The following SLC35F4 variants were observed in gnomAD, a reference collection of about 807,000 sequenced individuals.
SLC35F4 encodes the protein solute carrier family 35 member F4.
In SLC35F4, 24 loss-of-function variants were observed where a neutral mutation model predicts 44.2. The observed-to-expected ratio is 0.54, with a 90% CI of 0.39 to 0.76. The LOEUF (loss-of-function observed/expected upper bound fraction) is 0.76, where lower values mean the gene tolerates loss of function less well. Ranked by LOEUF, SLC35F4 falls within the 30% of genes least tolerant of loss-of-function variation. SLC35F4 has a pLI of 0.00. For synonymous variants in SLC35F4, 238 were observed against 223.6 expected (o/e 1.06, Z -0.57); for missense variants, 562 against 586.1 (o/e 0.96, Z 0.42).
intron 1 of SLC35F4, among the ~76,000 whole-genome samples, chr14:57,786,215 C>T (rs1004857181): frequency 7.2e-5 from 11 of 152,104 alleles, no homozygotes; most frequent in African/African-American, 2.2e-4. Flanking sequence ...TACACAACTG[C>T]GGTGACTTAG....
intron 1 of SLC35F4, among the ~76,000 whole-genome samples, chr14:57,698,642 C>CTT (rs35036166): frequency 0.06 from 8,704 of 144,828 alleles, 375 homozygotes; most frequent in Non-Finnish European, 0.09. Flanking sequence ...AAACATGTCA[C>CTT]TTTTTTTTTT....
intron 1 of SLC35F4, among the ~76,000 whole-genome samples, chr14:57,686,711 T>A (rs537743893): frequency 1.3e-5 from 2 of 152,320 alleles, no homozygotes; most frequent in South Asian, 4.1e-4. Context: ...TCAAGGATAC[T>A]CATTTATTTT....
intron 1 of SLC35F4, among the ~76,000 whole-genome samples, chr14:57,603,541 C>T (rs2070964384): frequency 1.3e-5 from 2 of 152,142 alleles, no homozygotes; most frequent in Admixed American, 6.5e-5. Flanking sequence ...GGTTTCAGCC[C>T]ATCAGATGCT....
intron 1 of SLC35F4, among the ~76,000 whole-genome samples, chr14:57,668,277 G>A (rs1038082256): frequency 6.6e-6 from 1 of 150,594 alleles, no homozygotes; most frequent in African/African-American, 2.5e-5. Context: ...CCATGTTGTA[G>A]GTTGCCTGTT....
At chr14:57,589,534 C>A (rs1301086352) in intron 2 of SLC35F4, 21 bp from the exon 3 acceptor site, 1 of 1,575,020 alleles carries the variant, frequency 6.3e-7, no homozygotes, top group Non-Finnish European at 8.6e-7. Flanking sequence ...GAAAGGAATA[C>A]AAATGTGAGG....
chr14:57,896,396 A>C (rs1381834972), intron 1 of SLC35F4, among the ~76,000 whole-genome samples: 1 of 152,196 alleles, frequency 6.6e-6, no homozygotes, highest in Non-Finnish European at 1.5e-5. Flanking sequence ...AAGAACAAGC[A>C]AAACTAATTT....
chr14:57,930,905 C>G (rs1889684863), intron 1 of SLC35F4, among the ~76,000 whole-genome samples: 1 of 152,120 alleles, frequency 6.6e-6, no homozygotes, highest in Non-Finnish European at 1.5e-5. Flanking sequence ...TAATAAACCC[C>G]AAATTGCACA....
intron 1 of SLC35F4, among the ~76,000 whole-genome samples, chr14:57,683,595 C>A (rs1463226833): frequency 6.6e-6 from 1 of 152,188 alleles, no homozygotes; most frequent in East Asian, 1.9e-4. Flanking sequence ...ACAGACATCT[C>A]CTCCCTTTCC....
intron 1 of SLC35F4, among the ~76,000 whole-genome samples, chr14:57,784,322 T>C (rs1296034991): frequency 2.6e-5 from 4 of 152,198 alleles, no homozygotes; most frequent in African/African-American, 4.8e-5. Context: ...TTTTACAACA[T>C]AGACCTTTTG....
At chr14:57,628,861 C>T (rs2072615631) in intron 1 of SLC35F4, among the ~76,000 whole-genome samples, 1 of 152,058 alleles carries the variant, frequency 6.6e-6, no homozygotes, top group Non-Finnish European at 1.5e-5. Flanking sequence ...AAGTGATTTT[C>T]ATTTCAAAAC....
chr14:57,636,733 GCT>G (rs1268202279), intron 1 of SLC35F4, among the ~76,000 whole-genome samples: 4 of 151,984 alleles, frequency 2.6e-5, no homozygotes, highest in African/African-American at 9.7e-5. Context: ...AAAATCCCAT[GCT>G]CTCTGCCAGA....
chr14:57,681,486 T>G (rs189084442), intron 1 of SLC35F4, among the ~76,000 whole-genome samples: 2 of 152,012 alleles, frequency 1.3e-5, no homozygotes, highest in East Asian at 3.9e-4. Context: ...TGATACAAAA[T>G]TTAACAAAAA....
intron 1 of SLC35F4, among the ~76,000 whole-genome samples, chr14:57,742,334 A>T (rs991589687): frequency 6.6e-6 from 1 of 152,228 alleles, no homozygotes; most frequent in African/African-American, 2.4e-5. Context: ...GACACATCTC[A>T]TATGCAAAGA....
chr14:57,928,064 A>T lies in SLC35F4; in HGVS notation n.282+53849T>A, dbSNP rs1446395826. 2.0e-5 allele frequency among the ~76,000 whole-genome samples: 3 copies of T among 151,916 alleles called. 1 individual carries two copies. The highest frequency in any genetic ancestry group is 3.9e-4 in the East Asian group (2 of 5,176). On this transcript the variant is annotated intron_variant and non_coding_transcript_variant, in intron 1 of 1. Coordinates refer to the SLC35F4 transcript ENST00000556568. ...CTGGTGTAACACCACAGAAGAAAAA[A>T]AAAAACCTGTGGACCCACCCTCACC...
chr14:57,754,205 C>A (rs141916453), intron 1 of SLC35F4, among the ~76,000 whole-genome samples: 1 of 148,908 alleles, frequency 6.7e-6, no homozygotes, highest in East Asian at 2.0e-4. Context: ...CAGGTTCAAG[C>A]GATTCTCCTG....
intron 4 of SLC35F4, among the ~76,000 whole-genome samples, chr14:57,579,731 A>G (rs1284280573): frequency 5.3e-5 from 8 of 152,154 alleles, no homozygotes; most frequent in African/African-American, 1.9e-4. Context: ...GTGCCCTGTA[A>G]TATTCTAGAC....
At chr14:57,836,499 A>AC (rs1884942605) in intron 1 of SLC35F4, among the ~76,000 whole-genome samples, 1 of 151,822 alleles carries the variant, frequency 6.6e-6, no homozygotes, top group African/African-American at 2.4e-5. Flanking sequence ...CACCATGTTG[A>AC]CCAAGAGGGT....
intron 1 of SLC35F4, among the ~76,000 whole-genome samples, chr14:57,710,906 A>C (rs1040575954): frequency 2.0e-5 from 3 of 152,044 alleles, no homozygotes; most frequent in Non-Finnish European, 4.4e-5. Flanking sequence ...CTCAGATGAG[A>C]CTTTAAACTT....
intron 1 of SLC35F4, among the ~76,000 whole-genome samples, chr14:57,716,768 C>T (rs60283274): frequency 0.028 from 4,272 of 152,150 alleles, 202 homozygotes; most frequent in African/African-American, 0.096. Flanking sequence ...TGAAAATATA[C>T]AGTAAATTAT....
Sources: gnomAD v4.1 joint callset for allele counts (sites outside exome capture counted in the v4.1 genomes callset) on GRCh38, gnomAD v4.1.1 for gene constraint, MANE v1.5 for transcripts, NCBI Gene and HGNC (gene_info 2026-07-23, HGNC 2026-07-21) for gene names.